Variants in MACROD2 observed in about 807,000 individuals in gnomAD.
MACROD2 encodes the protein mono-ADP ribosylhydrolase 2, also known as ADP-ribose glycohydrolase MACROD2.
In MACROD2, 36 loss-of-function variants were observed where a neutral mutation model predicts 70.4. The ratio of observed to expected loss-of-function variants is 0.51; its 90% CI spans 0.39 to 0.68. The LOEUF (loss-of-function observed/expected upper bound fraction) is 0.68, where lower values mean the gene tolerates loss of function less well. Among genes scored for constraint, MACROD2 ranks in the 30% least tolerant of loss-of-function variants. The pLI is 0.00. For missense variants in MACROD2, 496 were observed against 538.4 expected, an observed-to-expected ratio of 0.92 and a Z score of 0.78; for synonymous variants, 172 against 178.8, an observed-to-expected ratio of 0.96 and a Z score of 0.30.
Position 14,478,720 on chromosome 20 carries a change from G to A in MACROD2, c.272-14759G>A, listed in dbSNP as rs75745828. On this transcript the variant is annotated intron_variant, in intron 3 of 17. Transcript: ENST00000684519. Reference sequence around the variant, plus strand: ...CTCTGTTCATTTTAGGAGACTCTGGGTCCTATTTAAATCCCTTATTTTAGT... The same window carrying A: ...CTCTGTTCATTTTAGGAGACTCTGGATCCTATTTAAATCCCTTATTTTAGT... Among the ~76,000 whole-genome samples the A allele has an allele frequency of 2.6e-5, 4 of 152,180 alleles. No homozygotes were observed. In the South Asian group the frequency reaches 6.2e-4, roughly 24 times the overall value.
chr20:14,203,049 G>T (rs75223762), intron 3 of MACROD2, among the ~76,000 whole-genome samples: 1 of 138,234 alleles, frequency 7.2e-6, no homozygotes. Context: ...CTCCATCTTA[G>T]AAAAAAAAAA....
chr20:14,772,361 G>C (rs961355872), intron 5 of MACROD2, among the ~76,000 whole-genome samples: 6 of 152,022 alleles, frequency 3.9e-5, no homozygotes, highest in Non-Finnish European at 8.8e-5. Flanking sequence ...ACCCGAGACT[G>C]GGAAGTTTAT....
intron 3 of MACROD2, among the ~76,000 whole-genome samples, chr20:14,166,607 G>C (rs961447421): frequency 6.6e-6 from 1 of 152,126 alleles, no homozygotes; most frequent in African/African-American, 2.4e-5. Flanking sequence ...CTCCCAGACA[G>C]TCCAGGTTCA....
intron 3 of MACROD2, among the ~76,000 whole-genome samples, chr20:14,295,258 T>A (rs879094875): frequency 2.0e-5 from 3 of 151,892 alleles, no homozygotes; most frequent in Admixed American, 2.0e-4. Context: ...TCCATGAAGG[T>A]TTAACTGCTG....
chr20:14,232,605 C>T (rs57031259), intron 3 of MACROD2, among the ~76,000 whole-genome samples: 16,919 of 152,246 alleles, frequency 0.11, 1,086 homozygotes, highest in East Asian at 0.24. Context: ...GCTTCCTCAC[C>T]TCTGTCAGCC....
intron 3 of MACROD2, among the ~76,000 whole-genome samples, chr20:14,119,158 GAT>G (rs1491331390): frequency 6.7e-4 from 54 of 80,790 alleles, no homozygotes; most frequent in African/African-American, 1.9e-3. Flanking sequence ...AAATGACTGT[GAT>G]TTTTTTTTTT....
chr20:14,275,162 C>T (rs948694256), intron 3 of MACROD2, among the ~76,000 whole-genome samples: 20 of 151,980 alleles, frequency 1.3e-4, no homozygotes, highest in Admixed American at 2.0e-4. Context: ...AAAAAGAGCC[C>T]GCATCGCCAA....
chr20:14,414,954 C>T (rs1165890446), intron 3 of MACROD2, among the ~76,000 whole-genome samples: 1 of 151,046 alleles, frequency 6.6e-6, no homozygotes, highest in Non-Finnish European at 1.5e-5. Flanking sequence ...CCATGGTGTG[C>T]CTATCACCAT....
chr20:14,871,327 A>C (rs748650928), intron 5 of MACROD2, among the ~76,000 whole-genome samples: 6 of 152,172 alleles, frequency 3.9e-5, no homozygotes, highest in Non-Finnish European at 5.9e-5. Context: ...GCTCGGCTGA[A>C]ACTCAGCATA....
At chr20:14,468,174 C>T (rs13039594) in intron 3 of MACROD2, among the ~76,000 whole-genome samples, 22,683 of 151,676 alleles carry the variant, frequency 0.15, 2,406 homozygotes, top group Non-Finnish European at 0.21. Flanking sequence ...TTTTTAATTT[C>T]CTGTCTTGTT....
At chr20:15,337,038 C>A (rs937754043) in intron 6 of MACROD2, among the ~76,000 whole-genome samples, 6 of 151,702 alleles carry the variant, frequency 4.0e-5, no homozygotes, top group African/African-American at 1.5e-4. Flanking sequence ...TCTGAAACAT[C>A]TATAATAGTT....
At chr20:15,746,579 AAAAG>A (rs1406665458) in intron 8 of MACROD2, among the ~76,000 whole-genome samples, 35 of 151,470 alleles carry the variant, frequency 2.3e-4, no homozygotes, top group Non-Finnish European at 4.0e-4. Context: ...AAAAAAAAAA[AAAAG>A]AAACGGTGAA....
chr20:14,750,857 A>G (rs1011054323), intron 5 of MACROD2, among the ~76,000 whole-genome samples: 2 of 152,064 alleles, frequency 1.3e-5, no homozygotes, highest in Admixed American at 6.6e-5. Context: ...TAAATCACTA[A>G]CAAATAACTA....
At chr20:14,524,819 A>T (rs1246054801) in intron 4 of MACROD2, among the ~76,000 whole-genome samples, 1 of 152,164 alleles carries the variant, frequency 6.6e-6, no homozygotes, top group African/African-American at 2.4e-5. Context: ...CTTGAGCAGC[A>T]TTCATGCGGA....
At chr20:15,785,517 A>G (rs369032819) in intron 8 of MACROD2, among the ~76,000 whole-genome samples, 287 of 152,300 alleles carry the variant, frequency 1.9e-3, no homozygotes, top group African/African-American at 5.5e-3. Context: ...GAAAAAACAT[A>G]AGGCAAACAG....
Position 15,217,537 on chromosome 20 carries a change from T to C in MACROD2, c.419-12403T>C, listed in dbSNP as rs548717713. 2.6e-4 allele frequency among the ~76,000 whole-genome samples: 40 copies of C among 151,014 alleles called. No individual in the cohort carries two copies. In the East Asian group the frequency reaches 5.0e-3, roughly 19 times the overall value. On this transcript the variant is annotated intron_variant, in intron 5 of 17. Coordinates refer to ENST00000684519, the MANE Select transcript of MACROD2 (RefSeq NM_001351661.2). ...ATAATAATTACACATTCTATTGATCTTTTTTTTCTGATATTGTCAGCTACT... is the reference window on the plus strand; with the variant it reads ...ATAATAATTACACATTCTATTGATCCTTTTTTTCTGATATTGTCAGCTACT...
intron 3 of MACROD2, among the ~76,000 whole-genome samples, chr20:14,358,527 G>T (rs568408689): frequency 6.6e-6 from 1 of 152,062 alleles, no homozygotes; most frequent in South Asian, 2.1e-4. Flanking sequence ...TGCAATCTCG[G>T]CTCACGGCAA....
At chr20:14,447,050 G>A (rs892566852) in intron 3 of MACROD2, among the ~76,000 whole-genome samples, 7 of 151,826 alleles carry the variant, frequency 4.6e-5, no homozygotes, top group African/African-American at 1.5e-4. Flanking sequence ...ATGGAGTCTC[G>A]CTCTGTCGCC....
intron 3 of MACROD2, among the ~76,000 whole-genome samples, chr20:14,177,504 C>T (rs947473206): frequency 5.9e-5 from 9 of 151,914 alleles, no homozygotes; most frequent in African/African-American, 1.9e-4. Flanking sequence ...TTAGTAGAGA[C>T]GGGGTTTCTT....
Sources: allele counts gnomAD v4.1 joint callset (sites outside exome capture counted in the v4.1 genomes callset), GRCh38; gene constraint gnomAD v4.1.1; transcripts MANE v1.5; gene names NCBI Gene and HGNC (gene_info 2026-07-23, HGNC 2026-07-21).